Variants in PM20D1 observed in about 807,000 individuals in gnomAD.
The protein encoded by PM20D1 is peptidase M20 domain containing 1.
A neutral mutation model predicts 53.8 loss-of-function variants in PM20D1; 53 were observed. The ratio of observed to expected loss-of-function variants is 0.98; its 90% CI spans 0.79 to 1.24. PM20D1 has a LOEUF of 1.24. Among genes scored for constraint, PM20D1 ranks in the 50% most tolerant of loss-of-function variants. PM20D1 has a pLI of 0.00. For synonymous variants in PM20D1, 239 were observed against 241.3 expected (o/e 0.99, Z 0.09); for missense variants, 564 against 616.8 (o/e 0.91, Z 0.91).
At chr1:205,841,061 A>G (rs1167666209) in intron 9 of PM20D1, among the ~76,000 whole-genome samples, 2 of 152,108 alleles carry the variant, frequency 1.3e-5, no homozygotes, top group Admixed American at 1.3e-4. Flanking sequence ...AATTGTTCTA[A>G]CCAATCAGAT....
chr1:205,828,317 T>C lies in PM20D1; in HGVS notation c.*303A>G. On this transcript the variant is annotated 3_prime_UTR_variant, in exon 13 of 13. Transcript: ENST00000367136. ...CTGGTTGAGATTTCTCAAATCTACA[T>C]TTGTTAAGTCAAGCCTGGAAGGTGA... 1.2e-5 allele frequency: 3 copies of C among 246,568 alleles called. No individual in the cohort carries two copies. The East Asian group carries it at 3.0e-4, about 24-fold the overall frequency. The allele number at this position is 246,568 out of a possible 1,614,324, so 15.3% of individuals were successfully genotyped here.
rs533818468 is a variant in PM20D1 at position 205,842,182 on chromosome 1, G to A, written c.937C>T (p.Pro313Ser). The A allele has an allele frequency of 1.9e-6, 3 of 1,613,350 alleles. No homozygotes were observed. In the African/African-American group the frequency reaches 4.0e-5, roughly 22 times the overall value. ...PFPVNIILSNPWLFEPLISRF... is the reference protein window; with the variant it reads ...PFPVNIILSNSWLFEPLISRF... ...CTTATAAGTGGTTCAAATAGCCATGGGTTGCTCAGGATTATATTGACAGGG... is the reference window on the plus strand; with the variant it reads ...CTTATAAGTGGTTCAAATAGCCATGAGTTGCTCAGGATTATATTGACAGGG... Residue 313 changes from proline (P) to serine (S), a missense_variant, in exon 8 of 13, where the codon CCA becomes TCA. Pro to Ser is a moderately conservative substitution (Grantham distance 74). Coordinates refer to ENST00000367136, the MANE Select transcript of PM20D1 (RefSeq NM_152491.5).
chr1:205,829,518 TC>T (rs1656511326), intron 12 of PM20D1, among the ~76,000 whole-genome samples: 1 of 151,890 alleles, frequency 6.6e-6, no homozygotes, highest in African/African-American at 2.4e-5. Context: ...CCAACCTGCC[TC>T]CCCACAGTGA....
chr1:205,844,484 A>T (rs548260157), intron 4 of PM20D1, among the ~76,000 whole-genome samples: 1 of 152,332 alleles, frequency 6.6e-6, no homozygotes, highest in African/African-American at 2.4e-5. Flanking sequence ...AAGTAGCATC[A>T]TTGGAAATAA....
In PM20D1 at chr1:205,850,123, C is replaced by T. The variant is rs753947434; in HGVS notation, c.-51G>A. 2.5e-6 allele frequency: 4 copies of T among 1,569,032 alleles called. No homozygotes were observed. The highest frequency in any genetic ancestry group is 3.5e-6 in the Non-Finnish European group (4 of 1,154,094). On this transcript the variant is annotated 5_prime_UTR_variant, in exon 1 of 13. Transcript: ENST00000367136. ...GCTACCGGGGTAGTTCTGACCTAAA[C>T]GCCCAGACTAGCGTTTCTTGGCCCT...
chr1:205,849,828 C>A, intron 1 of PM20D1, 76 bp downstream of exon 1: 1 of 1,506,656 alleles, frequency 6.6e-7, no homozygotes, highest in Non-Finnish European at 8.9e-7. Flanking sequence ...GCGGCGGAAG[C>A]GGGGAGTCAC....
intron 11 of PM20D1, among the ~76,000 whole-genome samples, chr1:205,831,106 CCA>C (rs2102522204): frequency 6.6e-6 from 1 of 152,314 alleles, no homozygotes; most frequent in African/African-American, 2.4e-5. Context: ...TACTCTCTTT[CCA>C]GTTTCCCACT....
At chr1:205,839,757 A>G (rs1656761877) in intron 10 of PM20D1, among the ~76,000 whole-genome samples, 1 of 152,040 alleles carries the variant, frequency 6.6e-6, no homozygotes, top group Non-Finnish European at 1.5e-5. Flanking sequence ...TGAAAATACT[A>G]AAAATTAGCC....
In PM20D1 at chr1:205,841,895, A is replaced by C. The variant is rs1467284601; in HGVS notation, c.966-6T>G. ...AGGGATTTCTCTCCATAAACCTAAA[A>C]CAAAAGGACCAAGGTCAGATGTTAG... is the stretch of plus-strand genomic sequence containing the variant. On this transcript the variant is annotated splice_region_variant and splice_polypyrimidine_tract_variant and intron_variant, in intron 8 of 12. Coordinates refer to ENST00000367136, the MANE Select transcript of PM20D1 (RefSeq NM_152491.5). 1 of 1,556,656 alleles carries C rather than the reference A, an allele frequency of 6.4e-7. No individual in the cohort carries two copies. The highest frequency in any genetic ancestry group is 1.9e-5 in the Admixed American group (1 of 51,872).
chr1:205,833,703 C>T (rs919557717), intron 10 of PM20D1, among the ~76,000 whole-genome samples: 2 of 152,186 alleles, frequency 1.3e-5, no homozygotes, highest in Non-Finnish European at 2.9e-5. Context: ...AGGAGACTGG[C>T]TTAGAGGGAC....
At chr1:205,848,595 C>T (rs1657057084) in intron 1 of PM20D1, among the ~76,000 whole-genome samples, 1 of 152,210 alleles carries the variant, frequency 6.6e-6, no homozygotes, top group African/African-American at 2.4e-5. Flanking sequence ...CCTGAACCTT[C>T]ACTGGGCTCA....
In PM20D1 at chr1:205,832,710, C is replaced by T. The variant is rs942011216; in HGVS notation, c.1173G>A (p.Leu391=). 25 of 1,613,624 alleles carry T rather than the reference C, an allele frequency of 1.5e-5. No homozygotes were observed. In the Admixed American group the frequency reaches 3.2e-4, roughly 20 times the overall value. ...VADNRVQFHV[L]SAFDPLPVSP... ...TGACGGGGAGGGGGTCAAAGGCACTCAACACATGGAACTGGACTCTGTTAT... is the reference window on the plus strand; with the variant it reads ...TGACGGGGAGGGGGTCAAAGGCACTTAACACATGGAACTGGACTCTGTTAT... Residue 391 remains leucine (L), a synonymous_variant, in exon 11 of 13, where the codon TTG becomes TTA. Transcript: ENST00000367136.
Position 205,830,382 on chromosome 1 carries a change from A to G in PM20D1, c.1286-3T>C. 6.3e-7 allele frequency: 1 copy of G among 1,588,450 alleles called. No homozygotes were observed. Among genetic ancestry groups the G allele is most frequent in the Non-Finnish European group, 8.6e-7 (1 of 1,156,608 alleles). ...GTCTGTGTTGCCAATAGAAGTAACT[A>G]GAGAGGGAAGATCAACAGGAAAGGG... On this transcript the variant is annotated splice_region_variant and splice_polypyrimidine_tract_variant and intron_variant, in intron 11 of 12. Transcript: ENST00000367136.
intron 2 of PM20D1, among the ~76,000 whole-genome samples, chr1:205,847,003 TTTC>T (rs1657003856): frequency 6.4e-5 from 6 of 93,064 alleles, no homozygotes; most frequent in Non-Finnish European, 1.5e-4. Context: ...CCTTCCTTCC[TTTC>T]TTTTTTTTTT....
Position 205,843,756 on chromosome 1 carries a change from G to T in PM20D1, c.738C>A (p.Asn246Lys). Residue 246 changes from asparagine (N) to lysine (K), a missense_variant, in exon 6 of 13, where the codon AAC becomes AAA. Physicochemically the swap from Asn to Lys is moderately conservative, Grantham distance 94. Coordinates refer to ENST00000367136, the MANE Select transcript of PM20D1 (RefSeq NM_152491.5). ...LIAVSEKGSM[N>K]LMLQVNMTSG... The stretch of plus-strand genomic sequence containing the variant: ...AAGTCATGTTTACTTGCAGCATGAG[G>T]TTCATGGAACCCTTCTCTGAGACTG... The T allele has an allele frequency of 1.2e-6, 2 of 1,614,150 alleles. No homozygotes were observed. The highest frequency in any genetic ancestry group is 1.7e-6 in the Non-Finnish European group (2 of 1,180,016).
intron 3 of PM20D1, 71 bp downstream of exon 3, chr1:205,845,254 G>A: frequency 6.8e-7 from 1 of 1,460,784 alleles, no homozygotes; most frequent in South Asian, 1.2e-5. Flanking sequence ...CCACCTCCCA[G>A]GGTCAGCCAA....
intron 11 of PM20D1, among the ~76,000 whole-genome samples, chr1:205,831,180 T>A (rs1335196186): frequency 6.6e-6 from 1 of 152,170 alleles, no homozygotes; most frequent in Non-Finnish European, 1.5e-5. Context: ...AGGTGTGTTC[T>A]TTGGGAAAAG....
intron 2 of PM20D1, among the ~76,000 whole-genome samples, chr1:205,847,541 G>A (rs1657018421): frequency 7.2e-6 from 1 of 138,366 alleles, no homozygotes; most frequent in Non-Finnish European, 1.6e-5. Context: ...GTGTAAGGAG[G>A]TAGGGGTGGG....
chr1:205,839,346 T>G (rs1656752380), intron 10 of PM20D1, among the ~76,000 whole-genome samples: 1 of 152,214 alleles, frequency 6.6e-6, no homozygotes, highest in Admixed American at 6.5e-5. Flanking sequence ...GCAGTGGTCC[T>G]ATGGCAATTT....
Sources: allele counts gnomAD v4.1 joint callset (sites outside exome capture counted in the v4.1 genomes callset), GRCh38; gene constraint gnomAD v4.1.1; transcripts MANE v1.5; gene names NCBI Gene and HGNC (gene_info 2026-07-23, HGNC 2026-07-21).